Variants in MAP2 observed in about 807,000 individuals in gnomAD.
The protein encoded by MAP2 is microtubule-associated protein 2.
MAP2 carries 14 observed loss-of-function variants against 137.6 expected under a neutral mutation model. The ratio of observed to expected loss-of-function variants is 0.10; its 90% CI spans 0.07 to 0.16. The LOEUF (loss-of-function observed/expected upper bound fraction) is 0.16, where lower values mean the gene tolerates loss of function less well. Among genes scored for constraint, MAP2 ranks in the 10% least tolerant of loss-of-function variants. The pLI, the probability that MAP2 is intolerant of heterozygous loss-of-function variation, is 1.00. For synonymous variants in MAP2, 786 were observed against 782.3 expected, an observed-to-expected ratio of 1.00 and a Z score of -0.08; for missense variants, 2,088 against 2,191.5, an observed-to-expected ratio of 0.95 and a Z score of 0.94.
intron 4 of MAP2, among the ~76,000 whole-genome samples, chr2:209,645,498 T>C (rs1301360257): frequency 2.6e-5 from 4 of 152,328 alleles, no homozygotes; most frequent in African/African-American, 9.6e-5. Flanking sequence ...ATCAGATTTT[T>C]CTGCTACAGT....
intron 2 of MAP2, among the ~76,000 whole-genome samples, chr2:209,528,797 CATGTACATATGTATGTATATATGTAT>C (rs1324115485): frequency 2.8e-5 from 4 of 143,606 alleles, no homozygotes; most frequent in South Asian, 4.5e-4. Context: ...TATATATGTA[CATGTACATATGTATGTATATATGTAT>C]ATGTACATAT....
intron 1 of MAP2, among the ~76,000 whole-genome samples, chr2:209,494,813 T>A (rs1402408562): frequency 6.6e-6 from 1 of 152,350 alleles, no homozygotes; most frequent in South Asian, 2.1e-4. Flanking sequence ...GATTGAGATA[T>A]TTTCATTTCA....
At chr2:209,660,265 T>C (rs1332641649) in intron 5 of MAP2, among the ~76,000 whole-genome samples, 2 of 152,030 alleles carry the variant, frequency 1.3e-5, no homozygotes, top group South Asian at 2.1e-4. Context: ...CGTTGTCACT[T>C]TTTCAGGGAG....
intron 4 of MAP2, among the ~76,000 whole-genome samples, chr2:209,625,960 AAATG>A (rs2092241818): frequency 6.6e-6 from 1 of 152,178 alleles, no homozygotes; most frequent in African/African-American, 2.4e-5. Flanking sequence ...GAAAGATTAT[AAATG>A]AATGATTTCT....
chr2:209,447,726 C>CT (rs1353879221), intron 1 of MAP2, among the ~76,000 whole-genome samples: 1 of 152,020 alleles, frequency 6.6e-6, no homozygotes, highest in Non-Finnish European at 1.5e-5. Context: ...TCCCAATTCT[C>CT]TAAGTTTGAG....
intron 2 of MAP2, among the ~76,000 whole-genome samples, chr2:209,554,600 C>A (rs930669990): frequency 6.6e-6 from 1 of 151,982 alleles, no homozygotes. Flanking sequence ...CCAGCCTGGA[C>A]AACGTGGTGA....
At chr2:209,683,411 G>A (rs748326633) in intron 7 of MAP2, among the ~76,000 whole-genome samples, 1 of 152,084 alleles carries the variant, frequency 6.6e-6, no homozygotes, top group Non-Finnish European at 1.5e-5. Flanking sequence ...AAAAACAGAT[G>A]TATATATTTT....
chr2:209,602,528 T>C (rs929880533), intron 3 of MAP2, among the ~76,000 whole-genome samples: 1 of 152,210 alleles, frequency 6.6e-6, no homozygotes, highest in Non-Finnish European at 1.5e-5. Context: ...TTTGAACAGC[T>C]GGTGTAAATA....
intron 1 of MAP2, among the ~76,000 whole-genome samples, chr2:209,460,122 C>T (rs1213458045): frequency 6.6e-6 from 1 of 152,022 alleles, no homozygotes; most frequent in East Asian, 1.9e-4. Flanking sequence ...TTTTACAAAC[C>T]TGTTTTAATT....
intron 1 of MAP2, among the ~76,000 whole-genome samples, chr2:209,490,862 C>T (rs891642867): frequency 1.3e-5 from 2 of 151,878 alleles, no homozygotes; most frequent in Non-Finnish European, 2.9e-5. Context: ...GGAGACTTTA[C>T]CACCCCATTG....
intron 13 of MAP2, among the ~76,000 whole-genome samples, chr2:209,718,092 T>C (rs17745941): frequency 0.079 from 11,960 of 152,308 alleles, 534 homozygotes; most frequent in Middle Eastern, 0.11. Context: ...ATCAGGACTC[T>C]GTCTTTATGC....
intron 2 of MAP2, among the ~76,000 whole-genome samples, chr2:209,547,374 C>T (rs1210892371): frequency 6.6e-6 from 1 of 152,034 alleles, no homozygotes; most frequent in East Asian, 1.9e-4. Context: ...CCCAGGCCAC[C>T]TCCTTCCACT....
chr2:209,694,110 A>G lies in MAP2; in HGVS notation c.1940A>G (p.Asp647Gly), dbSNP rs1243105847. Residue 647 changes from aspartate to glycine, a missense_variant, in exon 8 of 16, where the codon GAT becomes GGT. Asp to Gly is a moderately conservative substitution (Grantham distance 94, BLOSUM62 -1). Coordinates refer to ENST00000682079, the MANE Select transcript of MAP2 (RefSeq NM_001375505.1). ...ACTCTCGCACAGAGTTATCCATCAG[A>G]TTTACCTGAAGAACCCAGTTCTCCT... ...YSTLAQSYPSDLPEEPSSPQE... is the reference protein window; with the variant it reads ...YSTLAQSYPSGLPEEPSSPQE... The G allele has an allele frequency of 6.2e-7, 1 of 1,613,968 alleles. No homozygotes were observed. Among genetic ancestry groups the G allele is most frequent in the Non-Finnish European group, 8.5e-7 (1 of 1,179,968 alleles).
chr2:209,574,833 T>C (rs2075042177), intron 2 of MAP2, among the ~76,000 whole-genome samples: 1 of 152,176 alleles, frequency 6.6e-6, no homozygotes, highest in Non-Finnish European at 1.5e-5. Context: ...ATCATGATAA[T>C]TTGTAAAATA....
chr2:209,530,542 A>G lies in MAP2; in HGVS notation c.-172+22901A>G, dbSNP rs1057184948. Among the ~76,000 whole-genome samples, 7 of 152,196 alleles carry G rather than the reference A, an allele frequency of 4.6e-5. 1 individual carries two copies. The highest frequency in any genetic ancestry group is 2.6e-4 in the Admixed American group (4 of 15,268). On this transcript the variant is annotated intron_variant, in intron 2 of 15. Coordinates refer to ENST00000682079, the MANE Select transcript of MAP2 (RefSeq NM_001375505.1). The stretch of plus-strand genomic sequence containing the variant: ...ATTATAGGACAAATATAGACAGGAA[A>G]TTAAAATCTCTTGCAGATTATTTAA...
At chr2:209,537,744 G>A (rs550324940) in intron 2 of MAP2, among the ~76,000 whole-genome samples, 3 of 152,276 alleles carry the variant, frequency 2.0e-5, no homozygotes, top group South Asian at 4.1e-4. Flanking sequence ...CCTGGACTTA[G>A]AGTGAAGACT....
At chr2:209,714,703 A>G (rs1353891737) in intron 13 of MAP2, among the ~76,000 whole-genome samples, 1 of 152,240 alleles carries the variant, frequency 6.6e-6, no homozygotes, top group Non-Finnish European at 1.5e-5. Flanking sequence ...ATTAGATGTC[A>G]GAGATATCCA....
intron 10 of MAP2, among the ~76,000 whole-genome samples, chr2:209,699,533 T>C (rs987961038): frequency 1.3e-5 from 2 of 152,146 alleles, no homozygotes; most frequent in African/African-American, 4.8e-5. Context: ...CTAGAGATAA[T>C]GGAGTTTAAA....
intron 14 of MAP2, among the ~76,000 whole-genome samples, chr2:209,727,077 C>T (rs759645454): frequency 2.6e-5 from 4 of 152,078 alleles, no homozygotes; most frequent in Non-Finnish European, 2.9e-5. Flanking sequence ...GCATTGAAAA[C>T]ATCTGGAAAT....
Sources: gnomAD v4.1 joint callset for allele counts (sites outside exome capture counted in the v4.1 genomes callset) on GRCh38, gnomAD v4.1.1 for gene constraint, MANE v1.5 for transcripts, NCBI Gene and HGNC (gene_info 2026-07-23, HGNC 2026-07-21) for gene names.